Variants in PLXDC2 observed in about 807,000 individuals in gnomAD.
The protein encoded by PLXDC2 is plexin domain containing 2.
PLXDC2 carries 40 observed loss-of-function variants against 68.9 expected under a neutral mutation model. That is an observed-to-expected ratio of 0.58 (90% confidence interval 0.45 to 0.76). PLXDC2 has a LOEUF of 0.76. Among genes scored for constraint, PLXDC2 ranks in the 30% least tolerant of loss-of-function variants. PLXDC2 has a pLI of 0.00. For missense variants in PLXDC2, 644 were observed against 661.9 expected (o/e 0.97, Z 0.30); for synonymous variants, 243 against 234.2 (o/e 1.04, Z -0.34).
chr10:19,829,675 C>T (rs141261109), intron 1 of PLXDC2, among the ~76,000 whole-genome samples: 91 of 151,978 alleles, frequency 6.0e-4, no homozygotes, highest in African/African-American at 2.1e-3. Context: ...TTGCAGTGAG[C>T]CGAGATCATG....
rs974735433 is a variant in PLXDC2 at position 20,211,742 on chromosome 10, T to C, written c.1122+13T>C. 1.2e-6 allele frequency: 2 copies of C among 1,611,822 alleles called. No individual in the cohort carries two copies. Among genetic ancestry groups the C allele is most frequent in the Non-Finnish European group, 8.5e-7 (1 of 1,178,380 alleles). On this transcript the variant is annotated intron_variant, in intron 10 of 13. Coordinates refer to ENST00000377252, the MANE Select transcript of PLXDC2 (RefSeq NM_032812.9). ...ATGCCCTGAAGAGGTACACATGCTTTATTGTGACAGAATCCTGGGACCAAG... is the reference window on the plus strand; with the variant it reads ...ATGCCCTGAAGAGGTACACATGCTTCATTGTGACAGAATCCTGGGACCAAG...
intron 9 of PLXDC2, among the ~76,000 whole-genome samples, chr10:20,182,071 T>TTGTATGTGTGTG: frequency 6.8e-6 from 1 of 146,564 alleles, no homozygotes; most frequent in East Asian, 2.0e-4. Context: ...AACCGGTTAT[T>TTGTATGTGTGTG]TGTGTGTGTG....
rs375273047 is a variant in PLXDC2, at chr10:20,262,650, G to A, written c.1474-17053G>A. Among the ~76,000 whole-genome samples, 29 of 152,290 alleles carry A rather than the reference G, an allele frequency of 1.9e-4. No individual in the cohort carries two copies. The East Asian group carries it at 2.9e-3, about 15-fold the overall frequency. On this transcript the variant is annotated intron_variant, in intron 13 of 13. Coordinates refer to ENST00000377252, the MANE Select transcript of PLXDC2 (RefSeq NM_032812.9). Reference sequence around the variant, plus strand: ...CTGCTTTAAGCGGGTACCGAATCCCGTACCTCCCCCCGGGTGGGACCTCCC... The same window carrying A: ...CTGCTTTAAGCGGGTACCGAATCCCATACCTCCCCCCGGGTGGGACCTCCC...
At chr10:20,149,229 C>CCTTTTTTTTTTTTTTTTTT (rs1834120053) in intron 6 of PLXDC2, among the ~76,000 whole-genome samples, 1 of 34,926 alleles carries the variant, frequency 2.9e-5, no homozygotes, top group African/African-American at 1.2e-4. Context: ...TTTTTCTTTT[C>CCTTTTTTTTTTTTTTTTTT]TTTTTTTTTT....
At chr10:20,050,916 C>CT (rs1835887815) in intron 3 of PLXDC2, among the ~76,000 whole-genome samples, 2 of 151,892 alleles carry the variant, frequency 1.3e-5, no homozygotes, top group Admixed American at 1.3e-4. Flanking sequence ...ATCATTCTAC[C>CT]ATAAAGATAC....
At chr10:20,196,854 A>C (rs1389104145) in intron 9 of PLXDC2, among the ~76,000 whole-genome samples, 1 of 152,160 alleles carries the variant, frequency 6.6e-6, no homozygotes, top group Non-Finnish European at 1.5e-5. Flanking sequence ...TTATAGCCAT[A>C]TTAAATGTGG....
At chr10:19,980,550 G>A (rs1324739351) in intron 1 of PLXDC2, among the ~76,000 whole-genome samples, 1 of 152,172 alleles carries the variant, frequency 6.6e-6, no homozygotes, top group African/African-American at 2.4e-5. Context: ...TGTTTGCTAT[G>A]TTCTCACATG....
intron 13 of PLXDC2, among the ~76,000 whole-genome samples, chr10:20,250,927 A>AT (rs1280388495): frequency 6.6e-6 from 1 of 152,068 alleles, no homozygotes; most frequent in Non-Finnish European, 1.5e-5. Flanking sequence ...GTTATTATAC[A>AT]TTTTGTGGAC....
rs147522809 is a variant in PLXDC2 at position 20,271,345 on chromosome 10, G to A, written c.1474-8358G>A. 5.9e-3 allele frequency among the ~76,000 whole-genome samples: 895 copies of A among 152,214 alleles called. 7 individuals carry two copies. Among genetic ancestry groups the A allele is most frequent in the African/African-American group, 0.02 (823 of 41,546 alleles). ...AAAGCGGGGAGCAGGCACTGAGGGT[G>A]AAAAATGGTTTTGTACCATGAAGGC... On this transcript the variant is annotated intron_variant, in intron 13 of 13. Coordinates refer to ENST00000377252, the MANE Select transcript of PLXDC2 (RefSeq NM_032812.9).
At chr10:19,883,331 G>A (rs1837770855) in intron 1 of PLXDC2, among the ~76,000 whole-genome samples, 2 of 152,162 alleles carry the variant, frequency 1.3e-5, no homozygotes, top group South Asian at 4.1e-4. Context: ...TGAAAAGCAT[G>A]AGAGGTGTTT....
At chr10:20,093,867 G>C (rs1413479953) in intron 4 of PLXDC2, among the ~76,000 whole-genome samples, 1 of 151,954 alleles carries the variant, frequency 6.6e-6, no homozygotes, top group Non-Finnish European at 1.5e-5. Flanking sequence ...TAGAAGTGGA[G>C]TTTCACCCTG....
At chr10:20,189,524 T>TACACAC (rs1299928015) in intron 9 of PLXDC2, among the ~76,000 whole-genome samples, 3 of 86,694 alleles carry the variant, frequency 3.5e-5, no homozygotes, top group Non-Finnish European at 7.0e-5. Context: ...CACACATATA[T>TACACAC]ATACACACAC....
chr10:19,895,778 G>A lies in PLXDC2; in HGVS notation c.112+78587G>A, dbSNP rs541262231. 6.6e-5 allele frequency among the ~76,000 whole-genome samples: 10 copies of A among 152,220 alleles called. No individual in the cohort carries two copies. The South Asian group carries it at 1.9e-3, about 28-fold the overall frequency. ...CCTTGAAAAATCATGCTAAGGGCTG[G>A]GCATGGTGGCTCGTGCCTGTAATCC... On this transcript the variant is annotated intron_variant, in intron 1 of 13. Coordinates refer to ENST00000377252, the MANE Select transcript of PLXDC2 (RefSeq NM_032812.9).
At chr10:19,910,016 G>T (rs1323460871) in intron 1 of PLXDC2, among the ~76,000 whole-genome samples, 3 of 152,060 alleles carry the variant, frequency 2.0e-5, no homozygotes, top group African/African-American at 4.8e-5. Context: ...TCCGTGTTTT[G>T]CCTGTGTTAA....
intron 6 of PLXDC2, among the ~76,000 whole-genome samples, chr10:20,161,439 A>C (rs1381046989): frequency 6.6e-6 from 1 of 150,952 alleles, no homozygotes; most frequent in East Asian, 1.9e-4. Context: ...GCAGTTTTTC[A>C]AGTCTCTCTC....
At chr10:19,824,214 T>G (rs897557829) in intron 1 of PLXDC2, among the ~76,000 whole-genome samples, 1 of 152,212 alleles carries the variant, frequency 6.6e-6, no homozygotes, top group African/African-American at 2.4e-5. Flanking sequence ...CTTCTGGACA[T>G]TATAAATAGT....
intron 12 of PLXDC2, among the ~76,000 whole-genome samples, chr10:20,224,130 T>TGCCC (rs1192362963): frequency 6.6e-6 from 1 of 151,986 alleles, no homozygotes; most frequent in African/African-American, 2.4e-5. Flanking sequence ...CATGCCACCA[T>TGCCC]GCCCGGCTAA....
At chr10:20,163,356 C>T (rs1199770346) in intron 6 of PLXDC2, among the ~76,000 whole-genome samples, 1 of 152,142 alleles carries the variant, frequency 6.6e-6, no homozygotes, top group African/African-American at 2.4e-5. Flanking sequence ...TTCACAGTTT[C>T]ATGATGTCGT....
intron 2 of PLXDC2, among the ~76,000 whole-genome samples, chr10:20,010,158 A>G (rs1049302123): frequency 5.3e-5 from 8 of 152,138 alleles, no homozygotes; most frequent in African/African-American, 1.9e-4. Context: ...GAGTGGCCTG[A>G]TGCTACCTTG....
Sources: allele counts gnomAD v4.1 joint callset (sites outside exome capture counted in the v4.1 genomes callset), GRCh38; gene constraint gnomAD v4.1.1; transcripts MANE v1.5; gene names NCBI Gene and HGNC (gene_info 2026-07-23, HGNC 2026-07-21).